The following ANKRD30B variants were observed in gnomAD, a reference collection of about 807,000 sequenced individuals.
ANKRD30B encodes ankyrin repeat domain-containing protein 30B.
In ANKRD30B, 144 loss-of-function variants were observed where a neutral mutation model predicts 202.2. The ratio of observed to expected loss-of-function variants is 0.71; its 90% CI spans 0.62 to 0.82. The LOEUF is 0.82. ANKRD30B is among the 40% of genes least tolerant of loss of function. The probability of loss-of-function intolerance (pLI) is 0.00; values close to 1 mark genes in which losing one functional copy is unlikely to be tolerated. For synonymous variants in ANKRD30B, 508 were observed against 561.3 expected, an observed-to-expected ratio of 0.91 and a Z score of 1.34; for missense variants, 1,487 against 1,669.1, an observed-to-expected ratio of 0.89 and a Z score of 1.90.
At chr18:14,940,520 G>T in the ANKRD30B span, among the ~76,000 whole-genome samples, 1 of 152,234 alleles carries the variant, frequency 6.6e-6, no homozygotes, top group Non-Finnish European at 1.5e-5. Context: ...ATCCAGCCAG[G>T]TGTTATTTTA....
At chr18:14,818,589 C>T (rs11662616) in intron 30 of ANKRD30B, among the ~76,000 whole-genome samples, 48,835 of 146,258 alleles carry the variant, frequency 0.33, 8,587 homozygotes, top group Non-Finnish European at 0.39. Context: ...TCATTTCCCA[C>T]CTATTAGTGA....
At chr18:14,879,990 T>C in the ANKRD30B span, among the ~76,000 whole-genome samples, 48,100 of 149,878 alleles carry the variant, frequency 0.32, 7,428 homozygotes, top group Non-Finnish European at 0.37. Flanking sequence ...TCCAGTGTTA[T>C]CTTGTAGAAT....
intron 9 of ANKRD30B, among the ~76,000 whole-genome samples, chr18:14,777,767 C>G (rs1055990197): frequency 1.3e-5 from 2 of 151,414 alleles, no homozygotes; most frequent in African/African-American, 4.9e-5. Flanking sequence ...CATGGTGAAA[C>G]GCCATCTCTC....
chr18:14,755,731 A>T (rs956869769), intron 4 of ANKRD30B, among the ~76,000 whole-genome samples: 18 of 152,034 alleles, frequency 1.2e-4, no homozygotes, highest in Non-Finnish European at 1.8e-4. Flanking sequence ...AAGGACATGA[A>T]CTCATCATTT....
chr18:14,820,016 G>T (rs1467919847), intron 30 of ANKRD30B, among the ~76,000 whole-genome samples: 1 of 151,946 alleles, frequency 6.6e-6, no homozygotes, highest in Admixed American at 6.6e-5. Context: ...TCTTCCATTT[G>T]TTTTATCCTC....
Position 14,777,982 on chromosome 18 carries a change from C to G in ANKRD30B, c.1330-3C>G, listed in dbSNP as rs1967483727. ...AATTATTTATTGGTATTACCTTTAA[C>G]AGATTATCTCTAAGAGTGCTGCACA... On this transcript the variant is annotated splice_region_variant and splice_polypyrimidine_tract_variant and intron_variant, in intron 9 of 43. Coordinates refer to ENST00000690538, the MANE Select transcript of ANKRD30B (RefSeq NM_001367607.2). 1 of 1,535,052 alleles carries G rather than the reference C, an allele frequency of 6.5e-7. No homozygotes were observed. Among genetic ancestry groups the G allele is most frequent in the East Asian group, 2.5e-5 (1 of 40,736 alleles).
At chr18:14,855,330 T>C (rs1055222982), downstream of ANKRD30B, among the ~76,000 whole-genome samples, 13 of 152,388 alleles carry the variant, frequency 8.5e-5, no homozygotes, top group African/African-American at 3.1e-4. Context: ...AGTAACAATC[T>C]GATCTCTCTT....
chr18:14,798,594 G>A (rs571157140), intron 20 of ANKRD30B, among the ~76,000 whole-genome samples: 45 of 152,246 alleles, frequency 3.0e-4, no homozygotes, highest in African/African-American at 6.3e-4. Flanking sequence ...TAGAAGAGCC[G>A]TGGCAAGATG....
rs1330349776 is a variant in ANKRD30B, at chr18:14,831,373, T to C, written c.2775-10T>C. 6.8e-6 allele frequency: 10 copies of C among 1,476,638 alleles called. No individual in the cohort carries two copies. Among genetic ancestry groups the C allele is most frequent in the Non-Finnish European group, 8.3e-6 (9 of 1,088,762 alleles). The allele number at this position is 1,476,638 out of a possible 1,614,324, so 91.5% of individuals were successfully genotyped here. A position where few individuals can be genotyped will look rare whatever the true frequency, so the allele number is the denominator to read the frequency against. Reference sequence around the variant, plus strand: ...AATTTGCTCATTTTTGTTTTATCTTTTTTCTCTAGTCTTTTTGGCAAACCG... The same window carrying C: ...AATTTGCTCATTTTTGTTTTATCTTCTTTCTCTAGTCTTTTTGGCAAACCG... On this transcript the variant is annotated splice_polypyrimidine_tract_variant and intron_variant, in intron 33 of 43. Transcript: ENST00000690538.
intron 15 of ANKRD30B, among the ~76,000 whole-genome samples, chr18:14,790,711 G>A (rs894203010): frequency 1.1e-4 from 16 of 151,882 alleles, no homozygotes; most frequent in Admixed American, 6.6e-5. Context: ...TGCGTATATT[G>A]AACCAGCCTT....
At chr18:14,919,657 G>A in the ANKRD30B span, among the ~76,000 whole-genome samples, 2 of 152,150 alleles carry the variant, frequency 1.3e-5, no homozygotes, top group African/African-American at 4.8e-5. Flanking sequence ...GTAAAATCAA[G>A]GAGGGGAAAA....
At chr18:14,858,028 T>C (rs1294201754), downstream of ANKRD30B, among the ~76,000 whole-genome samples, 4 of 65,780 alleles carry the variant, frequency 6.1e-5, no homozygotes, top group Admixed American at 1.2e-4. Flanking sequence ...AGAGGCGCTC[T>C]TCACTTCCCA....
intron 4 of ANKRD30B, among the ~76,000 whole-genome samples, chr18:14,757,215 G>C (rs1384734873): frequency 5.3e-5 from 8 of 152,178 alleles, no homozygotes; most frequent in Admixed American, 4.6e-4. Context: ...ACACAAGACT[G>C]AGTTTAATTT....
the ANKRD30B span, chr18:14,890,231 C>T: frequency 1.6e-5 from 8 of 497,704 alleles, no homozygotes; most frequent in East Asian, 3.3e-5. Flanking sequence ...CCCAAGACTC[C>T]GACCCACAAC....
chr18:14,829,588 A>G (rs570193515), intron 33 of ANKRD30B, among the ~76,000 whole-genome samples: 3 of 152,222 alleles, frequency 2.0e-5, no homozygotes, highest in Non-Finnish European at 4.4e-5. Flanking sequence ...GGATCTTATG[A>G]CAAGTTTGAT....
chr18:14,830,749 A>G (rs1970881866), intron 33 of ANKRD30B, among the ~76,000 whole-genome samples: 2 of 152,184 alleles, frequency 1.3e-5, no homozygotes, highest in Non-Finnish European at 2.9e-5. Context: ...ATCATAGAGG[A>G]CAGCTTGTGA....
At chr18:14,784,832 G>T (rs1463265884) in intron 14 of ANKRD30B, among the ~76,000 whole-genome samples, 1 of 34,284 alleles carries the variant, frequency 2.9e-5, no homozygotes, top group South Asian at 1.7e-3. Context: ...GGTGAATTTT[G>T]AAACTCTAAC....
chr18:14,837,135 T>C, intron 34 of ANKRD30B, 76 bp from the exon 35 acceptor site: 5 of 848,842 alleles, frequency 5.9e-6, no homozygotes, highest in Admixed American at 2.5e-5. Flanking sequence ...GACAAATTGA[T>C]TGAGTGAGTG....
Position 14,748,299 on chromosome 18 carries a change from C to G in ANKRD30B, c.-121C>G, listed in dbSNP as rs1191642943. The G allele has an allele frequency of 2.6e-6, 2 of 762,408 alleles. No homozygotes were observed. Among genetic ancestry groups the G allele is most frequent in the Non-Finnish European group, 2.0e-6 (1 of 506,208 alleles). The allele number at this position is 762,408 out of a possible 1,614,324, so 47.2% of individuals were successfully genotyped here. On this transcript the variant is annotated 5_prime_UTR_variant, in exon 1 of 44. Transcript: ENST00000690538. ...TTGGGGCGGGTGCGGGAACTGAAGA[C>G]GGGCGAGTGCGAGCCGGGGGCGGGT...
Sources: allele counts gnomAD v4.1 joint callset (sites outside exome capture counted in the v4.1 genomes callset), GRCh38; gene constraint gnomAD v4.1.1; transcripts MANE v1.5; gene names NCBI Gene and HGNC (gene_info 2026-07-23, HGNC 2026-07-21).